ADRA1A: variants seen among roughly 807,000 people sequenced by gnomAD.
ADRA1A encodes alpha-1A adrenergic receptor.
Under a neutral mutation model 29.6 loss-of-function variants are expected in ADRA1A, and 31 were observed. That is an observed-to-expected ratio of 1.05 (90% confidence interval 0.79 to 1.41). The LOEUF (loss-of-function observed/expected upper bound fraction) is 1.41, where lower values mean the gene tolerates loss of function less well. Among genes scored for constraint, ADRA1A ranks in the 40% most tolerant of loss-of-function variants. ADRA1A has a pLI of 0.00. For synonymous variants in ADRA1A, 311 were observed against 254.3 expected, an observed-to-expected ratio of 1.22 and a Z score of -2.12; for missense variants, 619 against 601.1, an observed-to-expected ratio of 1.03 and a Z score of -0.31.
intron 2 of ADRA1A, among the ~76,000 whole-genome samples, chr8:26,751,069 C>CAAAAA (rs35234230): frequency 7.2e-6 from 1 of 138,324 alleles, no homozygotes; most frequent in East Asian, 2.1e-4. Context: ...AACTCTGTCT[C>CAAAAA]AAAAAAAAAA....
chr8:26,756,616 TAAA>T, exon 3 of ADRA1A: 1 of 1,565,894 alleles, frequency 6.4e-7, no homozygotes, highest in East Asian at 2.4e-5. Flanking sequence ...GGATGCTTGA[TAAA>T]GAAGTAAATC....
At chr8:26,812,077 TA>T (rs1444607211) in intron 2 of ADRA1A, among the ~76,000 whole-genome samples, 1 of 152,204 alleles carries the variant, frequency 6.6e-6, no homozygotes, top group African/African-American at 2.4e-5. Context: ...TCTAATTTAA[TA>T]AATTATATGT....
chr8:26,785,403 G>A (rs184363978), intron 2 of ADRA1A, among the ~76,000 whole-genome samples: 74 of 152,228 alleles, frequency 4.9e-4, no homozygotes, highest in Middle Eastern at 3.4e-3. Flanking sequence ...CTGACGTCTG[G>A]ACTACAAATA....
chr8:26,803,677 C>A (rs1808761476), intron 2 of ADRA1A, among the ~76,000 whole-genome samples: 1 of 152,020 alleles, frequency 6.6e-6, no homozygotes, highest in South Asian at 2.1e-4. Flanking sequence ...AAATTTCTAA[C>A]AAAGTACTTG....
intron 2 of ADRA1A, among the ~76,000 whole-genome samples, chr8:26,771,388 C>G (rs183017010): frequency 2.4e-4 from 36 of 152,242 alleles, no homozygotes; most frequent in African/African-American, 7.7e-4. Flanking sequence ...TAGCCAGACT[C>G]ACTACACTTT....
intron 2 of ADRA1A, among the ~76,000 whole-genome samples, chr8:26,781,519 A>G (rs1348362120): frequency 6.6e-6 from 1 of 152,244 alleles, no homozygotes; most frequent in Admixed American, 6.5e-5. Flanking sequence ...AAATGCAGAA[A>G]CAGAGCCTGT....
At chr8:26,850,599 G>C (rs1033893167) in intron 2 of ADRA1A, among the ~76,000 whole-genome samples, 10 of 152,210 alleles carry the variant, frequency 6.6e-5, no homozygotes, top group Admixed American at 5.2e-4. Flanking sequence ...GAGTTCAAGT[G>C]ATTCTTGTGC....
At chr8:26,847,886 C>T (rs755031775) in intron 2 of ADRA1A, among the ~76,000 whole-genome samples, 28 of 152,340 alleles carry the variant, frequency 1.8e-4, no homozygotes, top group South Asian at 1.0e-3. Context: ...GTGTTCAGGA[C>T]GCAGGGTTCC....
chr8:26,856,501 C>T (rs1047531474), intron 2 of ADRA1A, among the ~76,000 whole-genome samples: 1 of 152,196 alleles, frequency 6.6e-6, no homozygotes, highest in Non-Finnish European at 1.5e-5. Context: ...CTTCACTGGA[C>T]ACCAGTTATC....
At chr8:26,756,516 T>G (rs746282000) in exon 3 of ADRA1A, 2 of 1,528,314 alleles carry the variant, frequency 1.3e-6, no homozygotes, top group South Asian at 2.4e-5. Flanking sequence ...GCTCTTTTCC[T>G]CTTTCCCTTT....
At chr8:26,773,635 T>C (rs1008815820) in intron 2 of ADRA1A, among the ~76,000 whole-genome samples, 6 of 152,026 alleles carry the variant, frequency 3.9e-5, no homozygotes, top group East Asian at 3.9e-4. Flanking sequence ...GAAAAAAAAA[T>C]ATGCACTATG....
chr8:26,752,722 C>A (rs147222270), downstream of ADRA1A, among the ~76,000 whole-genome samples: 810 of 152,250 alleles, frequency 5.3e-3, 9 homozygotes, highest in African/African-American at 0.018. Context: ...AAATAATGAT[C>A]CCTCTTCACC....
chr8:26,858,141 A>G (rs1813182975), intron 2 of ADRA1A, among the ~76,000 whole-genome samples: 2 of 152,220 alleles, frequency 1.3e-5, no homozygotes, highest in Non-Finnish European at 2.9e-5. Flanking sequence ...TTTTATAAAC[A>G]TAATCCTCAA....
intron 2 of ADRA1A, among the ~76,000 whole-genome samples, chr8:26,786,899 T>C (rs989697934): frequency 3.3e-5 from 5 of 152,106 alleles, no homozygotes; most frequent in African/African-American, 9.7e-5. Flanking sequence ...CCTGGTACAT[T>C]GTAGTTGTTA....
rs1282865638 is a variant in ADRA1A, at chr8:26,866,569, G to C, written c.-687+367C>G. On this transcript the variant is annotated intron_variant, in intron 1 of 2. Coordinates refer to ENST00000380573, the MANE Select transcript of ADRA1A (RefSeq NM_000680.4). The surrounding 1 kb of genome is among the most constrained non-coding windows in gnomAD (Gnocchi z 5.7). The stretch of plus-strand genomic sequence containing the variant: ...CCTACCGCAGGGACTCGGCAGGACA[G>C]CGCGGCGTGAGGAAGTGCCCACCTT... Among the ~76,000 whole-genome samples the C allele has an allele frequency of 6.6e-6, 1 of 152,192 alleles. No homozygotes were observed. Among genetic ancestry groups the C allele is most frequent in the Non-Finnish European group, 1.5e-5 (1 of 68,032 alleles).
At chr8:26,809,517 G>C (rs1809238806) in intron 2 of ADRA1A, among the ~76,000 whole-genome samples, 1 of 152,220 alleles carries the variant, frequency 6.6e-6, no homozygotes, top group African/African-American at 2.4e-5. Context: ...ATGACATCCT[G>C]CCTTGGAGGC....
At chr8:26,750,817 C>T (rs1467325073) in intron 2 of ADRA1A, among the ~76,000 whole-genome samples, 3 of 152,112 alleles carry the variant, frequency 2.0e-5, no homozygotes, top group African/African-American at 7.2e-5. Context: ...CGCCTATAGC[C>T]CCAGCACTTT....
At position 26,825,446 on chromosome 8, in the gene ADRA1A, C is replaced by T. The variant is rs1024326262; in HGVS notation, c.883+38641G>A. Among the ~76,000 whole-genome samples the T allele has an allele frequency of 3.9e-5, 6 of 152,126 alleles. No individual in the cohort carries two copies. Among genetic ancestry groups the T allele is most frequent in the Non-Finnish European group, 7.4e-5 (5 of 68,022 alleles). On this transcript the variant is annotated intron_variant, in intron 2 of 2. Transcript: ENST00000380573. The surrounding 1 kb of genome is among the most constrained non-coding windows in gnomAD (Gnocchi z 5.7). ...TTTGTTTTCTAATTCCGCCCTACTTCGTTTCCTATAAGGGGACCAGGAACA... is the reference window on the plus strand; with the variant it reads ...TTTGTTTTCTAATTCCGCCCTACTTTGTTTCCTATAAGGGGACCAGGAACA...
chr8:26,766,384 G>A (rs146535985), downstream of ADRA1A, among the ~76,000 whole-genome samples: 870 of 152,208 alleles, frequency 5.7e-3, 14 homozygotes, highest in African/African-American at 0.02. Flanking sequence ...TTCCCCCAGC[G>A]TGCCATAGTA....
Sources: allele counts gnomAD v4.1 joint callset (sites outside exome capture counted in the v4.1 genomes callset), GRCh38; gene constraint gnomAD v4.1.1; non-coding constraint Gnocchi (gnomAD v3.1); transcripts MANE v1.5; gene names NCBI Gene and HGNC (gene_info 2026-07-23, HGNC 2026-07-21).